MNAT1: variants seen among roughly 807,000 people sequenced by gnomAD.
MNAT1 encodes the protein MNAT1 component of CDK activating kinase.
Under a neutral mutation model 42.0 loss-of-function variants are expected in MNAT1, and 43 were observed. That is an observed-to-expected ratio of 1.02 (90% CI 0.80 to 1.32). MNAT1 has a LOEUF of 1.32. Among genes scored for constraint, MNAT1 ranks in the 40% most tolerant of loss-of-function variants. MNAT1 has a pLI of 0.00. For synonymous variants in MNAT1, 118 were observed against 120.0 expected, an observed-to-expected ratio of 0.98 and a Z score of 0.11; for missense variants, 306 against 350.4, an observed-to-expected ratio of 0.87 and a Z score of 1.01.
chr14:60,957,008 G>T (rs1328172545), intron 7 of MNAT1, among the ~76,000 whole-genome samples: 1 of 152,110 alleles, frequency 6.6e-6, no homozygotes, highest in Non-Finnish European at 1.5e-5. Flanking sequence ...GATAGGTAAA[G>T]ATTTACTTTT....
At chr14:60,735,244 C>T (rs1457458343) in intron 1 of MNAT1, among the ~76,000 whole-genome samples, 1 of 152,146 alleles carries the variant, frequency 6.6e-6, no homozygotes, top group Non-Finnish European at 1.5e-5. Flanking sequence ...GTGTTGTTTA[C>T]TGGGCTCTGG....
chr14:60,889,455 A>G (rs1566537644), intron 7 of MNAT1, among the ~76,000 whole-genome samples: 1 of 152,156 alleles, frequency 6.6e-6, no homozygotes, highest in African/African-American at 2.4e-5. Flanking sequence ...TTAATTCAAG[A>G]TGGATTAAAG....
At chr14:60,784,195 T>TTTTTA (rs1490776010) in intron 1 of MNAT1, among the ~76,000 whole-genome samples, 1 of 139,766 alleles carries the variant, frequency 7.2e-6, no homozygotes, top group African/African-American at 2.7e-5. Context: ...TTTTTTTTTT[T>TTTTTA]TTTTTTTTAG....
At chr14:60,958,064 C>T (rs1010769334) in intron 7 of MNAT1, among the ~76,000 whole-genome samples, 25 of 152,050 alleles carry the variant, frequency 1.6e-4, no homozygotes, top group African/African-American at 4.6e-4. Context: ...CTCGAACTTC[C>T]GACCTCAGGT....
At chr14:60,807,588 G>A (rs1363466904) in intron 3 of MNAT1, among the ~76,000 whole-genome samples, 1 of 152,092 alleles carries the variant, frequency 6.6e-6, no homozygotes, top group Non-Finnish European at 1.5e-5. Flanking sequence ...ATTGTTCAGA[G>A]TATTATAGTA....
intron 1 of MNAT1, among the ~76,000 whole-genome samples, chr14:60,736,636 G>A (rs542023968): frequency 7.2e-5 from 11 of 152,046 alleles, no homozygotes; most frequent in African/African-American, 1.4e-4. Context: ...AAGCTGTAGC[G>A]TATTGGCTGA....
rs114914634 is a variant in MNAT1 at position 60,876,988 on chromosome 14, T to A, written c.688-2726T>A. Among the ~76,000 whole-genome samples the A allele has an allele frequency of 8.3e-3, 1,269 of 152,196 alleles. 15 individuals carry two copies. The highest frequency in any genetic ancestry group is 0.028 in the African/African-American group (1,183 of 41,558). ...GTTGGATCATGTGGTAATTCTGTTTTTAATTTTTTGAGGACGTGCCATACC... is the reference window on the plus strand; with the variant it reads ...GTTGGATCATGTGGTAATTCTGTTTATAATTTTTTGAGGACGTGCCATACC... On this transcript the variant is annotated intron_variant, in intron 6 of 7. Transcript: ENST00000261245.
Position 60,816,121 on chromosome 14 carries a change from A to G in MNAT1, c.562-2601A>G, listed in dbSNP as rs180981103. ...TCTGGACCTAATTTACACAAGTACTACTTATTAGAATTTTTTTCCTCCTGT... is the reference window on the plus strand; with the variant it reads ...TCTGGACCTAATTTACACAAGTACTGCTTATTAGAATTTTTTTCCTCCTGT... On this transcript the variant is annotated intron_variant, in intron 5 of 7. Coordinates refer to ENST00000261245, the MANE Select transcript of MNAT1 (RefSeq NM_002431.4). Among the ~76,000 whole-genome samples, 13 of 152,218 alleles carry G rather than the reference A, an allele frequency of 8.5e-5. No homozygotes were observed. The East Asian group carries it at 2.3e-3, about 27-fold the overall frequency.
At chr14:60,844,819 A>C (rs2033643440) in intron 6 of MNAT1, among the ~76,000 whole-genome samples, 1 of 152,018 alleles carries the variant, frequency 6.6e-6, no homozygotes, top group Non-Finnish European at 1.5e-5. Context: ...TAGAGTACTG[A>C]AATTTTTGAA....
At chr14:60,911,798 G>A (rs1293831241) in intron 7 of MNAT1, among the ~76,000 whole-genome samples, 1 of 152,060 alleles carries the variant, frequency 6.6e-6, no homozygotes, top group Non-Finnish European at 1.5e-5. Context: ...GTATATTCTG[G>A]TGATTTGGGG....
chr14:60,935,582 G>C (rs1419323259), intron 7 of MNAT1, among the ~76,000 whole-genome samples: 2 of 152,054 alleles, frequency 1.3e-5, no homozygotes, highest in Non-Finnish European at 2.9e-5. Context: ...CAAATACTGT[G>C]AGTGTGTTAT....
chr14:60,794,292 A>G (rs2031928347), intron 1 of MNAT1, among the ~76,000 whole-genome samples: 1 of 152,114 alleles, frequency 6.6e-6, no homozygotes, highest in South Asian at 2.1e-4. Flanking sequence ...AGAGTGGTTT[A>G]TCTGGGGTTT....
intron 6 of MNAT1, among the ~76,000 whole-genome samples, chr14:60,836,914 C>T (rs1331371702): frequency 3.3e-5 from 5 of 152,200 alleles, no homozygotes; most frequent in Non-Finnish European, 7.3e-5. Flanking sequence ...GGGGCTGCTG[C>T]CTTTCTTTCA....
intron 2 of MNAT1, among the ~76,000 whole-genome samples, chr14:60,797,319 G>C (rs1361256439): frequency 2.0e-5 from 3 of 151,536 alleles, no homozygotes; most frequent in African/African-American, 7.3e-5. Flanking sequence ...TTCTTTACAG[G>C]TACATTACAA....
At chr14:60,959,759 A>C (rs2036554113) in intron 7 of MNAT1, among the ~76,000 whole-genome samples, 2 of 152,094 alleles carry the variant, frequency 1.3e-5, no homozygotes, top group Admixed American at 6.5e-5. Context: ...TGTGAAGAAA[A>C]CGAAGGCTGG....
chr14:60,807,683 T>G (rs190754011), intron 3 of MNAT1, among the ~76,000 whole-genome samples: 1 of 152,294 alleles, frequency 6.6e-6, no homozygotes, highest in East Asian at 1.9e-4. Flanking sequence ...AAAAGAGAGT[T>G]GTAATTTACA....
At position 60,765,778 on chromosome 14, in the gene MNAT1, C is replaced by T. The variant is rs1594736691; in HGVS notation, c.90-30439C>T. Reference sequence around the variant, plus strand: ...ATACCTCTAGGCAATCTAAGACATACAGTACTGTGTTAAAAATTTTGAGCT... The same window carrying T: ...ATACCTCTAGGCAATCTAAGACATATAGTACTGTGTTAAAAATTTTGAGCT... On this transcript the variant is annotated intron_variant, in intron 1 of 7. Coordinates refer to ENST00000261245, the MANE Select transcript of MNAT1 (RefSeq NM_002431.4). Among the ~76,000 whole-genome samples the T allele has an allele frequency of 2.0e-5, 3 of 152,210 alleles. No individual in the cohort carries two copies. The East Asian group carries it at 5.8e-4, about 29-fold the overall frequency.
intron 7 of MNAT1, among the ~76,000 whole-genome samples, chr14:60,900,954 C>T (rs1357882836): frequency 1.5e-5 from 2 of 135,174 alleles, no homozygotes; most frequent in Non-Finnish European, 3.1e-5. Flanking sequence ...TGTCACTGTA[C>T]TCCAGCCTGG....
intron 7 of MNAT1, among the ~76,000 whole-genome samples, chr14:60,951,755 T>G (rs2139605560): frequency 6.6e-6 from 1 of 152,286 alleles, no homozygotes; most frequent in South Asian, 2.1e-4. Context: ...TAAGTGAGGT[T>G]CATTTAAATT....
Sources: allele counts gnomAD v4.1 joint callset (sites outside exome capture counted in the v4.1 genomes callset), GRCh38; gene constraint gnomAD v4.1.1; transcripts MANE v1.5; gene names NCBI Gene and HGNC (gene_info 2026-07-23, HGNC 2026-07-21).